The following PGM5 variants were observed in gnomAD, a reference collection of about 807,000 sequenced individuals.
PGM5 encodes the protein phosphoglucomutase 5, also known as phosphoglucomutase-like protein 5.
Under a neutral mutation model 59.2 loss-of-function variants are expected in PGM5, and 23 were observed. The ratio of observed to expected loss-of-function variants is 0.39; its 90% confidence interval spans 0.28 to 0.55. The LOEUF is 0.55. PGM5 is among the 20% of genes least tolerant of loss of function. The pLI, the probability that PGM5 is intolerant of heterozygous loss-of-function variation, is 0.66. For synonymous variants in PGM5, 214 were observed against 286.0 expected (o/e 0.75, Z 2.54); for missense variants, 574 against 748.3 (o/e 0.77, Z 2.72).
intron 6 of PGM5, among the ~76,000 whole-genome samples, chr9:68,406,678 G>GTA (rs782034091): frequency 1.3e-4 from 3 of 23,608 alleles, no homozygotes; most frequent in African/African-American, 5.3e-4. Context: ...ATATATATAT[G>GTA]TATATATATA....
intron 6 of PGM5, among the ~76,000 whole-genome samples, chr9:68,429,995 A>G (rs1823316475): frequency 6.6e-6 from 1 of 152,146 alleles, no homozygotes; most frequent in South Asian, 2.1e-4. Context: ...TGGGTATCTG[A>G]GGTTGGTTTT....
intron 6 of PGM5, among the ~76,000 whole-genome samples, chr9:68,430,576 A>G (rs1412978694): frequency 2.0e-5 from 3 of 152,254 alleles, no homozygotes; most frequent in African/African-American, 4.8e-5. Flanking sequence ...TCCAGGCCCA[A>G]GGACATTAAA....
At chr9:68,525,485 T>C (rs7045570) in intron 10 of PGM5, among the ~76,000 whole-genome samples, 1,867 of 152,338 alleles carry the variant, frequency 0.012, 48 homozygotes, top group African/African-American at 0.042. Context: ...TATAGAAACC[T>C]GCTACATGGC....
chr9:68,462,746 C>T (rs1389850526), intron 6 of PGM5, among the ~76,000 whole-genome samples: 3 of 152,076 alleles, frequency 2.0e-5, no homozygotes, highest in African/African-American at 7.2e-5. Flanking sequence ...ATTTGTTATC[C>T]ATATGCATTC....
At chr9:68,468,198 A>G (rs1412463958) in intron 7 of PGM5, among the ~76,000 whole-genome samples, 1 of 148,330 alleles carries the variant, frequency 6.7e-6, no homozygotes, top group Non-Finnish European at 1.5e-5. Flanking sequence ...ACTCCTCAAG[A>G]AGACCCGGTG....
rs4014841 is a variant in PGM5, at chr9:68,381,640, GCA to G, written c.425-2739_425-2738del. On this transcript the variant is annotated intron_variant, in intron 2 of 10. Coordinates refer to ENST00000396396, the MANE Select transcript of PGM5 (RefSeq NM_021965.4). ...AGAGAATTCTAAAGATTCTACACAT[GCA>G]CACACACACACACACACAAACACAC... 5.9e-3 allele frequency among the ~76,000 whole-genome samples: 852 copies of G among 144,910 alleles called. 8 individuals are homozygous for G. The highest frequency in any genetic ancestry group is 0.021 in the African/African-American group (803 of 38,388).
At chr9:68,422,252 C>G (rs1823143112) in intron 6 of PGM5, among the ~76,000 whole-genome samples, 1 of 152,042 alleles carries the variant, frequency 6.6e-6, no homozygotes, top group South Asian at 2.1e-4. Flanking sequence ...TGGCTCAAAA[C>G]TATCTATATG....
chr9:68,467,312 G>A (rs1405214037), intron 7 of PGM5, among the ~76,000 whole-genome samples: 1 of 152,126 alleles, frequency 6.6e-6, no homozygotes, highest in Admixed American at 6.5e-5. Context: ...TGGTTTTTAT[G>A]GCAGCCTCCT....
At chr9:68,519,172 G>A (rs1483977829) in intron 10 of PGM5, among the ~76,000 whole-genome samples, 2 of 152,028 alleles carry the variant, frequency 1.3e-5, no homozygotes, top group African/African-American at 2.4e-5. Context: ...TACACAAAAA[G>A]AAATTCTCAA....
intron 6 of PGM5, among the ~76,000 whole-genome samples, chr9:68,423,101 C>A (rs1467647867): frequency 6.6e-6 from 1 of 152,128 alleles, no homozygotes. Context: ...ATATATACCA[C>A]AGTTTCTTTA....
At chr9:68,512,976 C>T (rs957473650) in intron 10 of PGM5, among the ~76,000 whole-genome samples, 1 of 152,134 alleles carries the variant, frequency 6.6e-6, no homozygotes, top group Non-Finnish European at 1.5e-5. Flanking sequence ...ACATAAAAAC[C>T]ATTTTTATGG....
At chr9:68,474,579 G>A (rs1554686514) in intron 7 of PGM5, among the ~76,000 whole-genome samples, 2 of 151,790 alleles carry the variant, frequency 1.3e-5, no homozygotes, top group East Asian at 1.9e-4. Flanking sequence ...AAAAAAAAAG[G>A]CCTTCTTTTT....
intron 6 of PGM5, among the ~76,000 whole-genome samples, chr9:68,440,083 G>A (rs1400128169): frequency 6.6e-6 from 1 of 152,062 alleles, no homozygotes; most frequent in Non-Finnish European, 1.5e-5. Context: ...AGCAAAAATG[G>A]ACAGAATGGA....
Position 68,366,887 on chromosome 9 carries a change from T to G in PGM5, c.261+9499T>G, listed in dbSNP as rs139252688. Among the ~76,000 whole-genome samples, 511 of 152,326 alleles carry G rather than the reference T, an allele frequency of 3.4e-3. 1 individual carries two copies. The highest frequency in any genetic ancestry group is 0.012 in the African/African-American group (491 of 41,572). On this transcript the variant is annotated intron_variant, in intron 1 of 10. Coordinates refer to ENST00000396396, the MANE Select transcript of PGM5 (RefSeq NM_021965.4). ...TATTATAAAAATATTTTGCTCTGATTAAAATAAAAGAAGGACGAGATCATG... is the reference window on the plus strand; with the variant it reads ...TATTATAAAAATATTTTGCTCTGATGAAAATAAAAGAAGGACGAGATCATG...
chr9:68,461,805 A>C (rs1823862999), intron 6 of PGM5, among the ~76,000 whole-genome samples: 1 of 151,882 alleles, frequency 6.6e-6, no homozygotes, highest in South Asian at 2.1e-4. Context: ...AAATGGAATA[A>C]CAGGCTTTAT....
chr9:68,516,612 C>A (rs563100025), intron 10 of PGM5, among the ~76,000 whole-genome samples: 6 of 152,210 alleles, frequency 3.9e-5, no homozygotes, highest in Non-Finnish European at 7.3e-5. Flanking sequence ...GGTGGGCCTC[C>A]ACCATCTGGC....
chr9:68,396,512 C>T (rs1822507137), intron 6 of PGM5: 1 of 152,244 alleles, frequency 6.6e-6, no homozygotes, highest in Non-Finnish European at 1.5e-5. Flanking sequence ...CACTTTACCC[C>T]TCCTTCTCAA....
intron 10 of PGM5, among the ~76,000 whole-genome samples, chr9:68,523,005 C>G (rs1023984456): frequency 3.3e-5 from 5 of 152,262 alleles, no homozygotes; most frequent in African/African-American, 1.2e-4. Flanking sequence ...TAATTATAAC[C>G]TCGTGATTTA....
intron 1 of PGM5, among the ~76,000 whole-genome samples, chr9:68,373,105 C>T (rs1821783950): frequency 6.8e-6 from 1 of 148,010 alleles, no homozygotes; most frequent in African/African-American, 2.5e-5. Flanking sequence ...CACTCATTGA[C>T]ATCCACAGAA....
Sources: gnomAD v4.1 joint callset for allele counts (sites outside exome capture counted in the v4.1 genomes callset) on GRCh38, gnomAD v4.1.1 for gene constraint, MANE v1.5 for transcripts, NCBI Gene and HGNC (gene_info 2026-07-23, HGNC 2026-07-21) for gene names.